Variants in AP2M1 observed in about 807,000 individuals in gnomAD.
AP2M1 encodes AP-2 complex subunit mu.
A neutral mutation model predicts 54.5 loss-of-function variants in AP2M1; 5 were observed. The observed-to-expected ratio is 0.09, with a 90% CI of 0.05 to 0.19. AP2M1 has a LOEUF of 0.19. AP2M1 is among the 10% of genes least tolerant of loss of function. The pLI, the probability that AP2M1 is intolerant of heterozygous loss-of-function variation, is 1.00. For missense variants in AP2M1, 178 were observed against 580.2 expected (o/e 0.31, Z 7.12); for synonymous variants, 186 against 208.2 (o/e 0.89, Z 0.92).
chr3:184,182,382 G>A lies in AP2M1; in HGVS notation c.1061+134G>A. 2.1e-6 allele frequency: 2 copies of A among 951,032 alleles called. No individual in the cohort carries two copies. The highest frequency in any genetic ancestry group is 3.1e-6 in the Non-Finnish European group (2 of 642,696). 58.9% of individuals were successfully genotyped at this position (951,032 alleles called of 1,614,324 possible). ...TTTTCTAGGAGCCTCTGCTTGTACTGTCAGTCTTTATACCTCCATGTGAGT... is the reference window on the plus strand; with the variant it reads ...TTTTCTAGGAGCCTCTGCTTGTACTATCAGTCTTTATACCTCCATGTGAGT... On this transcript the variant is annotated intron_variant, in intron 10 of 11. Coordinates refer to ENST00000292807, the MANE Select transcript of AP2M1 (RefSeq NM_004068.4). The surrounding 1 kb of genome is among the most constrained non-coding windows in gnomAD (Gnocchi z 5.5).
chr3:184,183,765 C>G lies in AP2M1; in HGVS notation c.*149C>G. The stretch of plus-strand genomic sequence containing the variant: ...CCCGAGTCTAGGTCTGGGCCAAGCA[C>G]ATTACAAGTGGGACCGGTGGAGCAG... On this transcript the variant is annotated 3_prime_UTR_variant, in exon 12 of 12. Transcript: ENST00000292807. This position sits in a 1 kb window ranked among gnomAD's most constrained non-coding sequence, Gnocchi z 5.7. The G allele has an allele frequency of 1.0e-6, 1 of 960,942 alleles. No homozygotes were observed. The highest frequency in any genetic ancestry group is 1.7e-5 in the South Asian group (1 of 60,520). The allele number at this position is 960,942 out of a possible 1,614,324, so 59.5% of individuals were successfully genotyped here. A position where few individuals can be genotyped will look rare whatever the true frequency, so the allele number is the denominator to read the frequency against.
rs1715262432 is a variant in AP2M1 at position 184,181,217 on chromosome 3, C to T, written c.698C>T (p.Thr233Ile). 3 of 1,614,080 alleles carry T rather than the reference C, an allele frequency of 1.9e-6. No individual in the cohort carries two copies. Among genetic ancestry groups the T allele is most frequent in the Non-Finnish European group, 2.5e-6 (3 of 1,180,038 alleles). Residue 233 changes from threonine (T) to isoleucine (I), a missense_variant, in exon 7 of 12, where the codon ACA becomes ATA. Around this residue, in one of 5 missense-constraint regions of AP2M1, gnomAD observed 115 missense variants for 331.2 expected, o/e 0.35. Transcript: ENST00000292807. This position sits in a 1 kb window ranked among gnomAD's most constrained non-coding sequence, Gnocchi z 5.7. The stretch of plus-strand genomic sequence containing the variant: ...CAGGGCAAAGGCACAGCTGATGAAA[C>T]AAGCAAGAGGTGCCTGAGGCAGGAG... ...EKQGKGTADE[T>I]SKSGKQSIAI...
Position 184,178,011 on chromosome 3 carries a change from C to CCCCCCCCCCCCCA in AP2M1, c.75-841_75-840insCCCCCCCACCCCC. 1 of 653,636 alleles carries CCCCCCCCCCCCCA rather than the reference C, an allele frequency of 1.5e-6. No individual in the cohort carries two copies. The highest frequency in any genetic ancestry group is 1.8e-5 in the African/African-American group (1 of 56,102). The allele number at this position is 653,636 out of a possible 1,614,324, so 40.5% of individuals were successfully genotyped here. A position where few individuals can be genotyped will look rare whatever the true frequency, so the allele number is the denominator to read the frequency against. On this transcript the variant is annotated intron_variant, in intron 2 of 11. Coordinates refer to ENST00000292807, the MANE Select transcript of AP2M1 (RefSeq NM_004068.4). The surrounding 1 kb of genome is among the most constrained non-coding windows in gnomAD (Gnocchi z 4.9). ...GCCTGTCTGAACCTGGCTGGCTACA[C>CCCCCCCCCCCCCA]CCCCCACCCCAGACCCCCTCCTGCC...
In AP2M1 at chr3:184,183,410, G is replaced by A. The variant is rs1715338308; in HGVS notation, c.1174-72G>A. 1.3e-6 allele frequency: 2 copies of A among 1,596,704 alleles called. No individual in the cohort carries two copies. ...CTGTAGTAGCGATGAAGTAGGGCAG[G>A]GCAACGGGACTTCCCAGAGGAGAGC... On this transcript the variant is annotated intron_variant, in intron 11 of 11. Transcript: ENST00000292807. The surrounding 1 kb of genome is among the most constrained non-coding windows in gnomAD (Gnocchi z 5.7).
chr3:184,176,493 G>A (rs937755586), intron 1 of AP2M1, among the ~76,000 whole-genome samples: 2 of 152,202 alleles, frequency 1.3e-5, no homozygotes, highest in Admixed American at 6.5e-5. Flanking sequence ...TGGAGCCCAA[G>A]AGACTGGATG....
chr3:184,181,896 C>T lies in AP2M1; in HGVS notation c.828-16C>T. 1 of 1,613,832 alleles carries T rather than the reference C, an allele frequency of 6.2e-7. No individual in the cohort carries two copies. Among genetic ancestry groups the T allele is most frequent in the Non-Finnish European group, 8.5e-7 (1 of 1,179,742 alleles). ...GTGGGTCAGCTCTTTGGTAACCTTG[C>T]TTCCCATCCCTTAAGGTATCGCACA... On this transcript the variant is annotated splice_polypyrimidine_tract_variant and intron_variant, in intron 8 of 11. Coordinates refer to ENST00000292807, the MANE Select transcript of AP2M1 (RefSeq NM_004068.4). This position sits in a 1 kb window ranked among gnomAD's most constrained non-coding sequence, Gnocchi z 5.7.
rs570193874 is a variant in AP2M1, at chr3:184,175,693, T to G, written c.-44+734T>G. 5.3e-5 allele frequency among the ~76,000 whole-genome samples: 8 copies of G among 152,174 alleles called. No individual in the cohort carries two copies. The South Asian group carries it at 1.7e-3, about 32-fold the overall frequency. The stretch of plus-strand genomic sequence containing the variant: ...GACGCTGCCTGGCTTTCACTGAAGG[T>G]CTTTCCCCTTAACTAAATGTTCCAT... On this transcript the variant is annotated intron_variant, in intron 1 of 11. Coordinates refer to ENST00000292807, the MANE Select transcript of AP2M1 (RefSeq NM_004068.4).
chr3:184,180,579 T>C lies in AP2M1; in HGVS notation c.424-66T>C. The C allele has an allele frequency of 1.2e-6, 2 of 1,611,992 alleles. No individual in the cohort carries two copies. Among genetic ancestry groups the C allele is most frequent in the Non-Finnish European group, 1.7e-6 (2 of 1,179,678 alleles). On this transcript the variant is annotated intron_variant, in intron 4 of 11. Coordinates refer to ENST00000292807, the MANE Select transcript of AP2M1 (RefSeq NM_004068.4). This position sits in a 1 kb window ranked among gnomAD's most constrained non-coding sequence, Gnocchi z 4.9. ...TCCTCTAGGATCCAAGCCTCATAGC[T>C]TTCTCCTCCTTTTCTGCCTCCCTTG...
Position 184,178,001 on chromosome 3 carries a change from G to C in AP2M1, c.75-856G>C. On this transcript the variant is annotated intron_variant, in intron 2 of 11. Coordinates refer to ENST00000292807, the MANE Select transcript of AP2M1 (RefSeq NM_004068.4). The surrounding 1 kb of genome is among the most constrained non-coding windows in gnomAD (Gnocchi z 4.9). ...GCAAGGCCTGGCCTGTCTGAACCTG[G>C]CTGGCTACACCCCCCACCCCAGACC... 3.1e-6 allele frequency: 2 copies of C among 654,792 alleles called. No homozygotes were observed. The highest frequency in any genetic ancestry group is 5.5e-6 in the Non-Finnish European group (2 of 364,998). 40.6% of individuals were successfully genotyped at this position (654,792 alleles called of 1,614,324 possible). A position where few individuals can be genotyped will look rare whatever the true frequency, so the allele number is the denominator to read the frequency against.
rs2109030565 is a variant in AP2M1, at chr3:184,180,281, G to GTA, written c.423+31_423+32insAT. ...TTGAATTGTGCAGACTATAGTCAGG[G>GTA]TGGAGTCCAATCTCCCTTCATCTCA... On this transcript the variant is annotated intron_variant, in intron 4 of 11. Coordinates refer to ENST00000292807, the MANE Select transcript of AP2M1 (RefSeq NM_004068.4). The surrounding 1 kb of genome is among the most constrained non-coding windows in gnomAD (Gnocchi z 4.9). The GTA allele has an allele frequency of 1.2e-6, 2 of 1,610,730 alleles. No individual in the cohort carries two copies. The highest frequency in any genetic ancestry group is 4.5e-5 in the East Asian group (2 of 44,872).
chr3:184,177,575 G>A lies in AP2M1; in HGVS notation c.74+508G>A, dbSNP rs764293521. On this transcript the variant is annotated intron_variant, in intron 2 of 11. Transcript: ENST00000292807. ...CAGGCTGCTGACTCAGCTGTCTTCA[G>A]TTCCTCTGGCCCATTCCCTGGGGAG... 3 of 1,536,082 alleles carry A rather than the reference G, an allele frequency of 2.0e-6. No homozygotes were observed. In the South Asian group the frequency reaches 3.6e-5, roughly 18 times the overall value.
At position 184,178,729 on chromosome 3, in the gene AP2M1, C is replaced by T; in HGVS notation, c.75-128C>T. ...ACCACTCCAGTGGTTTAGGCATTGG[C>T]TTTCTTTGGAGTGTGTGTGTCAGAC... is the stretch of plus-strand genomic sequence containing the variant. On this transcript the variant is annotated intron_variant, in intron 2 of 11. Transcript: ENST00000292807. This position sits in a 1 kb window ranked among gnomAD's most constrained non-coding sequence, Gnocchi z 4.9. 2 of 1,237,328 alleles carry T rather than the reference C, an allele frequency of 1.6e-6. No individual in the cohort carries two copies. The highest frequency in any genetic ancestry group is 2.5e-5 in the Admixed American group (1 of 40,326). The allele number at this position is 1,237,328 out of a possible 1,614,324, so 76.6% of individuals were successfully genotyped here.
intron 1 of AP2M1, chr3:184,176,698 C>T (rs1715085003): frequency 2.2e-6 from 1 of 458,216 alleles, no homozygotes; most frequent in Non-Finnish European, 3.8e-6. Flanking sequence ...TACTGATGCT[C>T]AGCCCCAGGA....
chr3:184,178,495 G>C lies in AP2M1; in HGVS notation c.75-362G>C, dbSNP rs912795804. On this transcript the variant is annotated intron_variant, in intron 2 of 11. Transcript: ENST00000292807. The surrounding 1 kb of genome is among the most constrained non-coding windows in gnomAD (Gnocchi z 4.9). ...AGAAGCAGTGTCTCTTTCTGTCCTGGACCTGGGAGCTTACAGGGAAGCTAG... is the reference window on the plus strand; with the variant it reads ...AGAAGCAGTGTCTCTTTCTGTCCTGCACCTGGGAGCTTACAGGGAAGCTAG... 6.6e-6 allele frequency among the ~76,000 whole-genome samples: 1 copy of C among 152,268 alleles called. No individual in the cohort carries two copies. The highest frequency in any genetic ancestry group is 1.5e-5 in the Non-Finnish European group (1 of 68,058).
Position 184,174,904 on chromosome 3 carries a change from C to T in AP2M1, c.-99C>T, listed in dbSNP as rs1486480660. 2.5e-6 allele frequency: 1 copy of T among 398,392 alleles called. No individual in the cohort carries two copies. Among genetic ancestry groups the T allele is most frequent in the African/African-American group, 2.1e-5 (1 of 48,600 alleles). 24.7% of individuals were successfully genotyped at this position (398,392 alleles called of 1,614,324 possible). The stretch of plus-strand genomic sequence containing the variant: ...GGCAGACGAGCAGGGGGCGGGCGGA[C>T]ATCTTGGGATCCGGAGAGTGGCCGG... On this transcript the variant is annotated 5_prime_UTR_variant, in exon 1 of 12. Coordinates refer to ENST00000292807, the MANE Select transcript of AP2M1 (RefSeq NM_004068.4).
At chr3:184,179,268 A>G (rs946240797) in intron 3 of AP2M1, 146 bp downstream of exon 3, 31 of 1,048,420 alleles carry the variant, frequency 3.0e-5, no homozygotes, top group African/African-American at 1.1e-4. Flanking sequence ...TAGGATCTCT[A>G]TGCCCCTCAG....
Position 184,178,229 on chromosome 3 carries a change from C to G in AP2M1, c.75-628C>G. On this transcript the variant is annotated intron_variant, in intron 2 of 11. Coordinates refer to ENST00000292807, the MANE Select transcript of AP2M1 (RefSeq NM_004068.4). This position sits in a 1 kb window ranked among gnomAD's most constrained non-coding sequence, Gnocchi z 4.9. ...ATTGGCTGCCGTAGCAATAGGTAAGCGGCCTCTCAAGCTGCTGCCCAGGTA... is the reference window on the plus strand; with the variant it reads ...ATTGGCTGCCGTAGCAATAGGTAAGGGGCCTCTCAAGCTGCTGCCCAGGTA... 3 of 1,536,088 alleles carry G rather than the reference C, an allele frequency of 2.0e-6. No individual in the cohort carries two copies. The East Asian group carries it at 7.3e-5, about 38-fold the overall frequency.
rs757427503 is a variant in AP2M1, at chr3:184,183,512, C to T, written c.1204C>T (p.Arg402Cys). ...ATTCGCGCCCTCTGGCCTCAAGGTGCGCTACTTGAAGGTGTTTGAACCGAA... is the reference window on the plus strand; with the variant it reads ...ATTCGCGCCCTCTGGCCTCAAGGTGTGCTACTTGAAGGTGTTTGAACCGAA... Reference protein sequence around the residue: ...VPFAPSGLKVRYLKVFEPKLN... With the variant: ...VPFAPSGLKVCYLKVFEPKLN... Residue 402 changes from arginine (R) to cysteine (C), a missense_variant, in exon 12 of 12, where the codon CGC becomes TGC. Transcript: ENST00000292807. This position sits in a 1 kb window ranked among gnomAD's most constrained non-coding sequence, Gnocchi z 5.7. 2.5e-6 allele frequency: 4 copies of T among 1,614,064 alleles called. No homozygotes were observed. The highest frequency in any genetic ancestry group is 4.5e-5 in the East Asian group (2 of 44,878).
Position 184,181,494 on chromosome 3 carries a change from G to A in AP2M1, c.708-202G>A, listed in dbSNP as rs1193473361. 1 of 847,208 alleles carries A rather than the reference G, an allele frequency of 1.2e-6. No individual in the cohort carries two copies. The highest frequency in any genetic ancestry group is 1.8e-6 in the Non-Finnish European group (1 of 559,724). The allele number at this position is 847,208 out of a possible 1,614,324, so 52.5% of individuals were successfully genotyped here. On this transcript the variant is annotated intron_variant, in intron 7 of 11. Transcript: ENST00000292807. This position sits in a 1 kb window ranked among gnomAD's most constrained non-coding sequence, Gnocchi z 5.7. The stretch of plus-strand genomic sequence containing the variant: ...CTGCCCAGTGTGCCTGAAACACCCA[G>A]GTCCCTAGCAGAAGGAGCCCCAAGA...
Sources: gnomAD v4.1 joint callset for allele counts (sites outside exome capture counted in the v4.1 genomes callset) on GRCh38, gnomAD v4.1.1 for gene constraint, gnomAD v4.1.1 regional missense constraint, Gnocchi (gnomAD v3.1) non-coding constraint, MANE v1.5 for transcripts, NCBI Gene and HGNC (gene_info 2026-07-23, HGNC 2026-07-21) for gene names.